CPPED1: variants seen among roughly 807,000 people sequenced by gnomAD.
The protein encoded by CPPED1 is serine/threonine-protein phosphatase CPPED1.
In CPPED1, 28 loss-of-function variants were observed where a neutral mutation model predicts 28.0. The observed-to-expected ratio is 1.00, with a 90% CI of 0.74 to 1.37. The LOEUF (loss-of-function observed/expected upper bound fraction) is 1.37, where lower values mean the gene tolerates loss of function less well. Among genes scored for constraint, CPPED1 ranks in the 40% most tolerant of loss-of-function variants. CPPED1 has a pLI of 0.00. For synonymous variants in CPPED1, 198 were observed against 180.2 expected (o/e 1.10, Z -0.79); for missense variants, 504 against 416.5 (o/e 1.21, Z -1.83).
intron 1 of CPPED1, among the ~76,000 whole-genome samples, chr16:12,795,496 T>G (rs1308344902): frequency 1.3e-5 from 2 of 152,196 alleles, no homozygotes; most frequent in African/African-American, 2.4e-5. Context: ...CCAGCCACCA[T>G]GCTCAGCTAA....
At chr16:12,708,903 A>G (rs1008384113) in intron 2 of CPPED1, among the ~76,000 whole-genome samples, 1 of 152,130 alleles carries the variant, frequency 6.6e-6, no homozygotes, top group Non-Finnish European at 1.5e-5. Flanking sequence ...AACATGACAA[A>G]ACCCCATCTC....
chr16:12,803,826 G>T lies in CPPED1; in HGVS notation c.-50C>A. ...TTAGAACACTGCGTGGGTGGAAGCC[G>T]CGCGACTTCACACAGAACAACCGCT... On this transcript the variant is annotated 5_prime_UTR_variant, in exon 1 of 4. Transcript: ENST00000381774. 3 of 1,521,274 alleles carry T rather than the reference G, an allele frequency of 2.0e-6. No individual in the cohort carries two copies. Among genetic ancestry groups the T allele is most frequent in the East Asian group, 2.6e-5 (1 of 38,982 alleles). The allele number at this position is 1,521,274 out of a possible 1,614,324, so 94.2% of individuals were successfully genotyped here.
intron 2 of CPPED1, among the ~76,000 whole-genome samples, chr16:12,780,522 C>A (rs562673097): frequency 6.6e-5 from 10 of 152,242 alleles, no homozygotes; most frequent in Middle Eastern, 3.4e-3. Flanking sequence ...TCTTTCTGTT[C>A]TGGTTTCTGA....
Position 12,709,517 on chromosome 16 carries a change from G to T in CPPED1, c.290-4468C>A, listed in dbSNP as rs1258987481. On this transcript the variant is annotated intron_variant, in intron 2 of 3. Transcript: ENST00000381774. The surrounding 1 kb of genome is among the most constrained non-coding windows in gnomAD (Gnocchi z 4.4). Reference sequence around the variant, plus strand: ...CAATTGGTCAAAATAAAACTAGGAGGTAAAAAGCATGATAACGATAATTAC... The same window carrying T: ...CAATTGGTCAAAATAAAACTAGGAGTTAAAAAGCATGATAACGATAATTAC... Among the ~76,000 whole-genome samples the T allele has an allele frequency of 6.6e-6, 1 of 152,092 alleles. No individual in the cohort carries two copies. Among genetic ancestry groups the T allele is most frequent in the Non-Finnish European group, 1.5e-5 (1 of 68,018 alleles).
chr16:12,795,693 A>G (rs2080623687), intron 1 of CPPED1, among the ~76,000 whole-genome samples: 1 of 152,208 alleles, frequency 6.6e-6, no homozygotes, highest in Non-Finnish European at 1.5e-5. Context: ...TTTAGTCCGG[A>G]GACTCCATGG....
At chr16:12,668,501 T>C (rs1214436252) in intron 3 of CPPED1, among the ~76,000 whole-genome samples, 2 of 152,168 alleles carry the variant, frequency 1.3e-5, no homozygotes, top group Non-Finnish European at 1.5e-5. Context: ...CTAAACTTCA[T>C]CAAAATTACC....
At chr16:12,711,490 C>T (rs536371870) in intron 2 of CPPED1, among the ~76,000 whole-genome samples, 20 of 152,150 alleles carry the variant, frequency 1.3e-4, no homozygotes, top group Non-Finnish European at 1.0e-4. Context: ...GTACATGTAA[C>T]GTTACGTATA....
chr16:12,700,917 T>C (rs2080016923), intron 3 of CPPED1, among the ~76,000 whole-genome samples: 1 of 151,952 alleles, frequency 6.6e-6, no homozygotes, highest in African/African-American at 2.4e-5. Flanking sequence ...GGGAGAGCCT[T>C]ATACAGAAGA....
rs1390016878 is a variant in CPPED1, at chr16:12,747,079, AAAAG to A, written c.289+34102_289+34105del. 2.6e-5 allele frequency among the ~76,000 whole-genome samples: 4 copies of A among 152,224 alleles called. No homozygotes were observed. In the East Asian group the frequency reaches 7.7e-4, roughly 29 times the overall value. The stretch of plus-strand genomic sequence containing the variant: ...AAAAATAAAAAAAAAATTAAAAAAA[AAAAG>A]AAGAAGAATGGGAAATAAATGGCAA... On this transcript the variant is annotated intron_variant, in intron 2 of 3. Coordinates refer to ENST00000381774, the MANE Select transcript of CPPED1 (RefSeq NM_018340.3).
At chr16:12,773,771 G>C (rs1004470209) in intron 2 of CPPED1, among the ~76,000 whole-genome samples, 1 of 152,102 alleles carries the variant, frequency 6.6e-6, no homozygotes, top group Non-Finnish European at 1.5e-5. Flanking sequence ...AAAATAAAAA[G>C]TGTCTGTCTC....
chr16:12,707,547 C>G (rs150554321), intron 2 of CPPED1, among the ~76,000 whole-genome samples: 2 of 152,244 alleles, frequency 1.3e-5, no homozygotes, highest in Admixed American at 6.5e-5. Context: ...ATCTCCTGTT[C>G]TTGATTTTCA....
At chr16:12,717,722 AC>A (rs1302461184) in intron 2 of CPPED1, among the ~76,000 whole-genome samples, 3 of 151,722 alleles carry the variant, frequency 2.0e-5, no homozygotes, top group Non-Finnish European at 1.5e-5. Flanking sequence ...GCTCCCTACA[AC>A]CTCCACCTCC....
At chr16:12,702,965 T>C (rs1345973607) in intron 3 of CPPED1, among the ~76,000 whole-genome samples, 2 of 146,850 alleles carry the variant, frequency 1.4e-5, no homozygotes, top group Non-Finnish European at 3.0e-5. Context: ...TGAGCCGAGA[T>C]GGTGCCACTG....
intron 2 of CPPED1, among the ~76,000 whole-genome samples, chr16:12,768,905 G>A (rs577597556): frequency 1.6e-5 from 2 of 128,674 alleles, no homozygotes; most frequent in South Asian, 2.4e-4. Context: ...CACTCTTGTT[G>A]CCCAGGCTGC....
At chr16:12,775,925 C>T (rs2080494996) in intron 2 of CPPED1, among the ~76,000 whole-genome samples, 1 of 152,210 alleles carries the variant, frequency 6.6e-6, no homozygotes, top group Non-Finnish European at 1.5e-5. Context: ...CCCTGAATTC[C>T]AGTCCCTGCC....
At chr16:12,776,278 A>T (rs908831012) in intron 2 of CPPED1, among the ~76,000 whole-genome samples, 1 of 152,194 alleles carries the variant, frequency 6.6e-6, no homozygotes, top group Non-Finnish European at 1.5e-5. Flanking sequence ...TAGAAGGAAC[A>T]CACCGCTGCA....
chr16:12,753,695 CG>C (rs1285528859), intron 2 of CPPED1: 1 of 152,168 alleles, frequency 6.6e-6, no homozygotes, highest in Non-Finnish European at 1.5e-5. Flanking sequence ...TGTGTCTACC[CG>C]CCCTCCTGCC....
At chr16:12,696,207 T>TCAGCAGG (rs2079989345) in intron 3 of CPPED1, among the ~76,000 whole-genome samples, 2 of 152,052 alleles carry the variant, frequency 1.3e-5, no homozygotes. Context: ...CACAGCTATA[T>TCAGCAGG]CAGCAGGCAG....
intron 2 of CPPED1, among the ~76,000 whole-genome samples, chr16:12,717,457 G>A (rs1230536567): frequency 6.6e-6 from 1 of 152,080 alleles, no homozygotes; most frequent in Non-Finnish European, 1.5e-5. Context: ...GTACAGACAG[G>A]GTTTCACCGT....
Sources: gnomAD v4.1 joint callset for allele counts (sites outside exome capture counted in the v4.1 genomes callset) on GRCh38, gnomAD v4.1.1 for gene constraint, Gnocchi (gnomAD v3.1) non-coding constraint, MANE v1.5 for transcripts, NCBI Gene and HGNC (gene_info 2026-07-23, HGNC 2026-07-21) for gene names.